EDAR: variants seen among roughly 807,000 people sequenced by gnomAD.
EDAR encodes ectodysplasin A receptor.
Under a neutral mutation model 51.3 loss-of-function variants are expected in EDAR, and 38 were observed. The ratio of observed to expected loss-of-function variants is 0.74; its 90% CI spans 0.57 to 0.97. The LOEUF (loss-of-function observed/expected upper bound fraction) is 0.97. Among genes scored for constraint, EDAR ranks in the 50% least tolerant of loss-of-function variants. EDAR has a pLI of 0.00. For synonymous variants in EDAR, 227 were observed against 242.1 expected, an observed-to-expected ratio of 0.94 and a Z score of 0.58; for missense variants, 528 against 595.0, an observed-to-expected ratio of 0.89 and a Z score of 1.17.
intron 5 of EDAR, 87 bp from the exon 6 acceptor site, chr2:108,912,851 G>C: frequency 1.8e-6 from 2 of 1,131,206 alleles, no homozygotes; most frequent in South Asian, 2.6e-5. Flanking sequence ...CTGGATTCAT[G>C]ATCATGAATG....
intron 1 of EDAR, among the ~76,000 whole-genome samples, chr2:108,974,766 A>AGAAACT (rs996520225): frequency 3.9e-5 from 6 of 152,234 alleles, no homozygotes; most frequent in East Asian, 1.9e-4. Flanking sequence ...TTTCAGATAA[A>AGAAACT]GAAACTGAAA....
intron 1 of EDAR, among the ~76,000 whole-genome samples, chr2:108,936,191 T>C (rs142065269): frequency 6.6e-6 from 1 of 152,344 alleles, no homozygotes; most frequent in African/African-American, 2.4e-5. Flanking sequence ...CTCATATCTG[T>C]GGGAAGCAGC....
intron 1 of EDAR, among the ~76,000 whole-genome samples, chr2:108,974,449 T>C (rs1163843324): frequency 6.6e-6 from 1 of 151,000 alleles, no homozygotes; most frequent in African/African-American, 2.4e-5. Context: ...AAAGTAGACA[T>C]GACTGGGCAT....
At chr2:108,986,139 C>G (rs1698492797) in intron 1 of EDAR, among the ~76,000 whole-genome samples, 1 of 152,086 alleles carries the variant, frequency 6.6e-6, no homozygotes, top group Non-Finnish European at 1.5e-5. Flanking sequence ...TGTTGGGATG[C>G]CTGAGCCCCA....
intron 11 of EDAR, among the ~76,000 whole-genome samples, chr2:108,904,721 C>T (rs1350848232): frequency 6.6e-6 from 1 of 152,158 alleles, no homozygotes; most frequent in Non-Finnish European, 1.5e-5. Context: ...ACCACGGTTA[C>T]ATACCTTGTG....
chr2:108,988,443 T>C (rs4676224), intron 1 of EDAR, among the ~76,000 whole-genome samples: 35,757 of 151,624 alleles, frequency 0.24, 5,902 homozygotes, highest in East Asian at 0.84. Flanking sequence ...CTTCTCTCCC[T>C]CTCCCCGCTC....
At position 108,912,686 on chromosome 2, in the gene EDAR, G is replaced by T; in HGVS notation, c.521C>A (p.Ala174Asp). The stretch of plus-strand genomic sequence containing the variant: ...CTGAGCACCCTCCTCACCTTTGTGG[G>T]CGTGCTGGAAGGGAGACAGGGTGCT... ...GSSTLSPFQH[A>D]HKELSGQGHL... Residue 174 changes from alanine to aspartate, a missense_variant, in exon 6 of 12, where the codon GCC (alanine) becomes GAC (aspartate). Physicochemically the swap from Ala to Asp is moderately radical, Grantham distance 126 (BLOSUM62 -2). Coordinates refer to ENST00000258443, the MANE Select transcript of EDAR (RefSeq NM_022336.4). 6.3e-7 allele frequency: 1 copy of T among 1,593,276 alleles called. No individual in the cohort carries two copies. Among genetic ancestry groups the T allele is most frequent in the South Asian group, 1.2e-5 (1 of 86,944 alleles).
At chr2:108,929,435 G>T (rs1697324158) in intron 3 of EDAR, 56 bp from the exon 4 acceptor site, 1 of 1,575,568 alleles carries the variant, frequency 6.3e-7, no homozygotes, top group Non-Finnish European at 8.7e-7. Context: ...AAACCATACG[G>T]ACTCGGCCCA....
chr2:108,976,508 G>A (rs552880662), intron 1 of EDAR, among the ~76,000 whole-genome samples: 12 of 152,268 alleles, frequency 7.9e-5, no homozygotes, highest in African/African-American at 2.9e-4. Flanking sequence ...GAAGTCTCCA[G>A]GCGGAGCGCA....
intron 1 of EDAR, among the ~76,000 whole-genome samples, chr2:108,960,098 C>G (rs1698010092): frequency 6.6e-6 from 1 of 152,136 alleles, no homozygotes; most frequent in South Asian, 2.1e-4. Context: ...CCCTGCACAC[C>G]CTGTGGCTGG....
chr2:108,978,401 T>G (rs1036794201), intron 1 of EDAR, among the ~76,000 whole-genome samples: 1 of 152,068 alleles, frequency 6.6e-6, no homozygotes, highest in Admixed American at 6.6e-5. Context: ...AACAAAAATA[T>G]CAAACTTGGT....
chr2:108,940,643 T>C (rs260711), intron 1 of EDAR, among the ~76,000 whole-genome samples: 47,639 of 152,178 alleles, frequency 0.31, 12,281 homozygotes, highest in East Asian at 0.94. Flanking sequence ...GAGTCACGTG[T>C]AGAATAACAA....
rs1400038037 is a variant in EDAR at position 108,907,854 on chromosome 2, C to T, written c.963+6G>A. On this transcript the variant is annotated splice_donor_region_variant and intron_variant, in intron 10 of 11. Coordinates refer to ENST00000258443, the MANE Select transcript of EDAR (RefSeq NM_022336.4). ...CAGCTCATCATGGCACCTGCAGGAG[C>T]CTCACCCCGGCTGACTTGTTGCTGG... is the stretch of plus-strand genomic sequence containing the variant. 2.5e-6 allele frequency: 4 copies of T among 1,613,416 alleles called. No homozygotes were observed. The highest frequency in any genetic ancestry group is 3.4e-6 in the Non-Finnish European group (4 of 1,179,998).
At chr2:108,904,182 GAA>G (rs1357595514) in intron 11 of EDAR, among the ~76,000 whole-genome samples, 2 of 151,952 alleles carry the variant, frequency 1.3e-5, no homozygotes, top group African/African-American at 4.8e-5. Flanking sequence ...TCATTTTACT[GAA>G]GAGGACACAC....
chr2:108,950,302 C>T (rs1051001022), intron 1 of EDAR, among the ~76,000 whole-genome samples: 1 of 147,732 alleles, frequency 6.8e-6, no homozygotes, highest in Non-Finnish European at 1.5e-5. Context: ...TTTTGACAGG[C>T]GGGTCTCAGT....
chr2:108,915,701 AC>A (rs1697013959), intron 5 of EDAR, among the ~76,000 whole-genome samples: 1 of 152,018 alleles, frequency 6.6e-6, no homozygotes, highest in African/African-American at 2.4e-5. Context: ...GTTTGAGACC[AC>A]CCTGGCCAAC....
At chr2:108,931,275 G>A (rs1410459541) in intron 1 of EDAR, among the ~76,000 whole-genome samples, 2 of 152,212 alleles carry the variant, frequency 1.3e-5, no homozygotes, top group South Asian at 2.1e-4. Context: ...AGGAGCACAC[G>A]GAGGGCCCAA....
At chr2:108,971,836 T>C (rs1645349546) in intron 1 of EDAR, among the ~76,000 whole-genome samples, 1 of 152,216 alleles carries the variant, frequency 6.6e-6, no homozygotes, top group African/African-American at 2.4e-5. Context: ...GTGACTCGTT[T>C]CTAGCCAACA....
At chr2:108,931,080 CG>C in intron 1 of EDAR, 48 bp from the exon 2 acceptor site, 5 of 1,538,536 alleles carry the variant, frequency 3.2e-6, no homozygotes, top group Non-Finnish European at 3.6e-6. Flanking sequence ...GCACCCCAGC[CG>C]GGGGTCTGGC....
Sources: allele counts gnomAD v4.1 joint callset (sites outside exome capture counted in the v4.1 genomes callset), GRCh38; gene constraint gnomAD v4.1.1; transcripts MANE v1.5; gene names NCBI Gene and HGNC (gene_info 2026-07-23, HGNC 2026-07-21).